The following DPYSL4 variants were observed in gnomAD, a reference collection of about 807,000 sequenced individuals.
DPYSL4 encodes the protein dihydropyrimidinase-related protein 4.
A neutral mutation model predicts 63.4 loss-of-function variants in DPYSL4; 43 were observed. The observed-to-expected ratio is 0.68, with a 90% confidence interval of 0.53 to 0.88. DPYSL4 has a LOEUF of 0.88. Among genes scored for constraint, DPYSL4 ranks in the 40% least tolerant of loss-of-function variants. The probability of loss-of-function intolerance (pLI) is 0.00; values close to 1 mark genes in which losing one functional copy is unlikely to be tolerated. For synonymous variants in DPYSL4, 353 were observed against 331.7 expected (o/e 1.06, Z -0.70); for missense variants, 733 against 819.5 (o/e 0.89, Z 1.29).
chr10:132,196,082 C>T (rs1264669473), intron 4 of DPYSL4, among the ~76,000 whole-genome samples: 1 of 120,090 alleles, frequency 8.3e-6, no homozygotes, highest in African/African-American at 2.5e-5. Flanking sequence ...TTGTGGGGCA[C>T]AGTGTGACTC....
chr10:132,201,559 ACT>A (rs2062017876), intron 10 of DPYSL4, among the ~76,000 whole-genome samples: 1 of 152,230 alleles, frequency 6.6e-6, no homozygotes, highest in African/African-American at 2.4e-5. Flanking sequence ...AGCAGGCATC[ACT>A]GAGATGGGCT....
rs1196475362 is a variant in DPYSL4, at chr10:132,203,868, C to T, written c.1568C>T (p.Pro523Leu). 2 of 1,613,040 alleles carry T rather than the reference C, an allele frequency of 1.2e-6. No homozygotes were observed. Among genetic ancestry groups the T allele is most frequent in the East Asian group, 4.5e-5 (2 of 44,862 alleles). The stretch of plus-strand genomic sequence containing the variant: ...GGCGCTCCGGCCCGCGCGTCCTGCC[C>T]AGGCAAGATCTCCGTCCCTCCTGTG... ...GSGAPARASC[P>L]GKISVPPVRN... The change falls in exon 13 of 14, where the codon CCA becomes CTA. Residue 523 changes from proline (P) to leucine (L), a missense_variant. Transcript: ENST00000338492.
chr10:132,195,702 T>A (rs1175401853), intron 4 of DPYSL4, among the ~76,000 whole-genome samples: 1 of 152,188 alleles, frequency 6.6e-6, no homozygotes, highest in Non-Finnish European at 1.5e-5. Context: ...GGTCATCACA[T>A]AGGTGCCCCT....
rs566733892 is a variant in DPYSL4 at position 132,204,337 on chromosome 10, G to A, written c.1627+410G>A. Among the ~76,000 whole-genome samples, 99 of 152,304 alleles carry A rather than the reference G, an allele frequency of 6.5e-4. No homozygotes were observed. In the Middle Eastern group the frequency reaches 0.014, roughly 21 times the overall value. On this transcript the variant is annotated intron_variant, in intron 13 of 13. Transcript: ENST00000338492. ...CAAGGGAGGGTCTGAGCTGTGTCCC[G>A]GGGCCTGGAGGGATACACGAGAATG...
Position 132,201,941 on chromosome 10 carries a change from C to T in DPYSL4, c.1111-5C>T. The T allele has an allele frequency of 1.9e-6, 3 of 1,610,358 alleles. No individual in the cohort carries two copies. The highest frequency in any genetic ancestry group is 2.5e-6 in the Non-Finnish European group (3 of 1,178,036). On this transcript the variant is annotated splice_polypyrimidine_tract_variant and splice_region_variant and intron_variant, in intron 10 of 13. Transcript: ENST00000338492. ...CGCCCTCAGCTCAGCCTTCTTGTTCCCCAGGCCTCTGGGAAGATGGACGAG... is the reference window on the plus strand; with the variant it reads ...CGCCCTCAGCTCAGCCTTCTTGTTCTCCAGGCCTCTGGGAAGATGGACGAG...
chr10:132,187,199 GGGTCCCTGCCTTTGCGTCT>G, intron 1 of DPYSL4, 97 bp downstream of exon 1: 2 of 890,316 alleles, frequency 2.2e-6, no homozygotes, highest in East Asian at 6.2e-5. Flanking sequence ...CGTGGGTGGG[GGGTCCCTGCCTTTGCGTCT>G]GGTCCCTGTC....
chr10:132,194,778 C>T (rs1011930980), intron 3 of DPYSL4, 67 bp from the exon 4 acceptor site: 9 of 1,570,216 alleles, frequency 5.7e-6, no homozygotes, highest in Non-Finnish European at 7.8e-6. Flanking sequence ...CAGAATCTCC[C>T]ATGGAGGAGG....
intron 8 of DPYSL4, 74 bp downstream of exon 8, chr10:132,199,045 C>G: frequency 6.5e-7 from 1 of 1,549,572 alleles, no homozygotes; most frequent in African/African-American, 1.4e-5. Context: ...TGGGGAGATG[C>G]AGGTTCCCTG....
At position 132,198,285 on chromosome 10, in the gene DPYSL4, GCTGGGAAATT is replaced by G; in HGVS notation, c.622-123_622-114del. 3.8e-6 allele frequency: 3 copies of G among 784,096 alleles called. 1 individual carries two copies. In the South Asian group the frequency reaches 5.2e-5, roughly 14 times the overall value. The allele number at this position is 784,096 out of a possible 1,614,324, so 48.6% of individuals were successfully genotyped here. On this transcript the variant is annotated intron_variant, in intron 6 of 13. Coordinates refer to ENST00000338492, the MANE Select transcript of DPYSL4 (RefSeq NM_006426.3). ...TGCCCTCTATTCTGAGTGTTCTGTG[GCTGGGAAATT>G]CTGGGAGGCCTGGGGGTCCAGGACC...
At chr10:132,192,508 A>G in intron 2 of DPYSL4, 150 bp from the exon 3 acceptor site, 1 of 1,401,578 alleles carries the variant, frequency 7.1e-7, no homozygotes, top group East Asian at 2.6e-5. Context: ...GGCACTCCCG[A>G]GGAGCTAGTC....
intron 2 of DPYSL4, 84 bp downstream of exon 2, chr10:132,190,919 T>C (rs2061865853): frequency 2.9e-6 from 4 of 1,403,116 alleles, no homozygotes; most frequent in Non-Finnish European, 4.0e-6. Context: ...TGAAAGTATG[T>C]TCCCAGCTCG....
intron 6 of DPYSL4, among the ~76,000 whole-genome samples, chr10:132,197,512 C>A (rs556098028): frequency 4.4e-4 from 67 of 152,296 alleles, no homozygotes; most frequent in African/African-American, 1.6e-3. Flanking sequence ...CTGGGGAGGG[C>A]CTGAGCCCGC....
At chr10:132,204,795 GCCCCTGCCTCATTCT>G (rs1316858951) in intron 13 of DPYSL4, 29 bp from the exon 14 acceptor site, 2 of 1,544,344 alleles carry the variant, frequency 1.3e-6, no homozygotes, top group South Asian at 1.2e-5. Flanking sequence ...AAGGGCCCCT[GCCCCTGCCTCATTCT>G]CCCCTGCCCA....
intron 6 of DPYSL4, 61 bp downstream of exon 6, chr10:132,197,162 CTGTGGG>C (rs1554967036): frequency 1.4e-6 from 2 of 1,398,748 alleles, no homozygotes; most frequent in Non-Finnish European, 1.9e-6. Context: ...CAGGGGCTGC[CTGTGGG>C]GTGGGGCAGG....
At chr10:132,202,563 CCA>C (rs2062033062) in intron 11 of DPYSL4, 81 bp from the exon 12 acceptor site, 1 of 1,555,612 alleles carries the variant, frequency 6.4e-7, no homozygotes, top group African/African-American at 1.4e-5. Flanking sequence ...CGCTGGGCGG[CCA>C]CAGTGCTCCA....
chr10:132,204,165 CAG>C (rs1318175054), intron 13 of DPYSL4, among the ~76,000 whole-genome samples: 1 of 152,252 alleles, frequency 6.6e-6, no homozygotes, highest in Non-Finnish European at 1.5e-5. Context: ...ACCTTCAAGA[CAG>C]TGGCACTGGG....
intron 4 of DPYSL4, among the ~76,000 whole-genome samples, chr10:132,196,553 C>T (rs151276696): frequency 1.3e-5 from 2 of 152,314 alleles, no homozygotes; most frequent in African/African-American, 2.4e-5. Flanking sequence ...CTTCCAGTAA[C>T]GGGGGGTCTG....
chr10:132,190,867 C>A, intron 2 of DPYSL4, 32 bp downstream of exon 2: 1 of 1,606,778 alleles, frequency 6.2e-7, no homozygotes, highest in Non-Finnish European at 8.5e-7. Flanking sequence ...AAATACGTTC[C>A]CAGCTCGTGT....
At chr10:132,203,004 A>G (rs1359789088) in intron 12 of DPYSL4, among the ~76,000 whole-genome samples, 179 bp downstream of exon 12, 1 of 152,220 alleles carries the variant, frequency 6.6e-6, no homozygotes, top group Non-Finnish European at 1.5e-5. Flanking sequence ...CTCCCGGAAG[A>G]TGGCAGGGGA....
Sources: allele counts gnomAD v4.1 joint callset (sites outside exome capture counted in the v4.1 genomes callset), GRCh38; gene constraint gnomAD v4.1.1; transcripts MANE v1.5; gene names NCBI Gene and HGNC (gene_info 2026-07-23, HGNC 2026-07-21).